The following THSD7A variants were observed in gnomAD, a reference collection of about 807,000 sequenced individuals.
The protein encoded by THSD7A is thrombospondin type 1 domain containing 7A, also known as thrombospondin type-1 domain-containing protein 7A.
In THSD7A, 96 loss-of-function variants were observed where a neutral mutation model predicts 231.3. That is an observed-to-expected ratio of 0.41 (90% CI 0.35 to 0.49). The LOEUF (loss-of-function observed/expected upper bound fraction) is 0.49. THSD7A is among the 20% of genes least tolerant of loss of function. The pLI is 0.05. For synonymous variants in THSD7A, 940 were observed against 743.3 expected, an observed-to-expected ratio of 1.26 and a Z score of -4.30; for missense variants, 2,290 against 2,070.2, an observed-to-expected ratio of 1.11 and a Z score of -2.06.
intron 1 of THSD7A, among the ~76,000 whole-genome samples, chr7:11,773,027 T>A (rs553376405): frequency 2.0e-5 from 3 of 152,070 alleles, no homozygotes; most frequent in Admixed American, 6.6e-5. Flanking sequence ...TCAACAATAA[T>A]ATTAATGAAA....
At chr7:11,399,872 T>A (rs1783332677) in intron 23 of THSD7A, among the ~76,000 whole-genome samples, 1 of 152,154 alleles carries the variant, frequency 6.6e-6, no homozygotes, top group African/African-American at 2.4e-5. Context: ...ATACGTTTAT[T>A]GCGGCACTAT....
At chr7:11,736,453 C>CTGTG (rs61483307) in intron 1 of THSD7A, among the ~76,000 whole-genome samples, 4,413 of 143,550 alleles carry the variant, frequency 0.031, 193 homozygotes, top group African/African-American at 0.1. Context: ...ACAGCAGACT[C>CTGTG]TGTGTGTGTG....
chr7:11,398,351 A>C (rs2115349205), intron 23 of THSD7A, among the ~76,000 whole-genome samples: 2 of 152,236 alleles, frequency 1.3e-5, no homozygotes, highest in Middle Eastern at 6.8e-3. Context: ...ATACATGGAC[A>C]CAGGGAGGGG....
At chr7:11,423,421 T>G (rs1035173184) in intron 16 of THSD7A, among the ~76,000 whole-genome samples, 2 of 146,246 alleles carry the variant, frequency 1.4e-5, no homozygotes, top group Non-Finnish European at 3.0e-5. Context: ...CAGGCTGGAG[T>G]GCAGTGGCGC....
Position 11,593,434 on chromosome 7 carries a change from G to A in THSD7A, c.1091C>T (p.Ser364Phe). 1 of 1,614,018 alleles carries A rather than the reference G, an allele frequency of 6.2e-7. No homozygotes were observed. Among genetic ancestry groups the A allele is most frequent in the Non-Finnish European group, 8.5e-7 (1 of 1,179,900 alleles). Residue 364 changes from serine (S) to phenylalanine (F), a missense_variant, in exon 3 of 28, where the codon TCC becomes TTC. Ser to Phe is a radical substitution (Grantham distance 155). Coordinates refer to ENST00000423059, the MANE Select transcript of THSD7A (RefSeq NM_015204.3). ...SCVITKECQVSEWSEWSPCSK... is the reference protein window; with the variant it reads ...SCVITKECQVFEWSEWSPCSK... ...GCAGGGGCTCCACTCTGACCACTCG[G>A]AAACCTGGCACTCTTTGGTGATCAC...
chr7:11,705,427 G>A (rs182364731), intron 1 of THSD7A, among the ~76,000 whole-genome samples: 78 of 151,098 alleles, frequency 5.2e-4, no homozygotes, highest in Non-Finnish European at 4.3e-4. Context: ...ACTTCTGGAA[G>A]TTGACTCAGT....
intron 1 of THSD7A, among the ~76,000 whole-genome samples, chr7:11,654,069 G>T (rs1427359653): frequency 6.6e-6 from 1 of 151,868 alleles, no homozygotes; most frequent in African/African-American, 2.4e-5. Context: ...AAAGTTGAGA[G>T]ATATTTTTTT....
chr7:11,379,879 A>AGT (rs1348171130), intron 24 of THSD7A, 167 bp from the exon 25 acceptor site: 4 of 686,664 alleles, frequency 5.8e-6, no homozygotes, highest in African/African-American at 1.8e-5. Context: ...CACCTTATGT[A>AGT]GTGACTCCAG....
intron 1 of THSD7A, among the ~76,000 whole-genome samples, chr7:11,713,567 G>A (rs777580751): frequency 5.3e-5 from 8 of 151,206 alleles, no homozygotes; most frequent in Non-Finnish European, 1.2e-4. Flanking sequence ...CAGAGTAAAA[G>A]TCCGAACTTT....
At chr7:11,544,997 C>T (rs1304252911) in intron 4 of THSD7A, among the ~76,000 whole-genome samples, 1 of 152,062 alleles carries the variant, frequency 6.6e-6, no homozygotes, top group Non-Finnish European at 1.5e-5. Flanking sequence ...AAGTGTTCAG[C>T]ACACTAATGA....
intron 1 of THSD7A, among the ~76,000 whole-genome samples, chr7:11,762,733 T>C (rs1782904969): frequency 6.6e-6 from 1 of 152,184 alleles, no homozygotes; most frequent in Non-Finnish European, 1.5e-5. Flanking sequence ...AGAAACTCTT[T>C]AATTTATTTA....
chr7:11,719,598 T>C (rs1009752007), intron 1 of THSD7A, among the ~76,000 whole-genome samples: 8 of 151,696 alleles, frequency 5.3e-5, no homozygotes, highest in African/African-American at 1.5e-4. Context: ...TGCTTCTGCA[T>C]CATGCCCAGT....
intron 6 of THSD7A, among the ~76,000 whole-genome samples, chr7:11,528,587 A>C (rs957170540): frequency 6.6e-6 from 1 of 152,212 alleles, no homozygotes; most frequent in African/African-American, 2.4e-5. Flanking sequence ...ATTTTATATC[A>C]ATTCAGCAAT....
rs750399860 is a variant in THSD7A, at chr7:11,407,462, T to C, written c.3799-39A>G. On this transcript the variant is annotated intron_variant, in intron 19 of 27. Transcript: ENST00000423059. ...GGTAGATCAGGATGTATATTGTAAA[T>C]TGGGGGAGGGAGCCAGAGAATGAGG... The C allele has an allele frequency of 6.7e-6, 10 of 1,491,178 alleles. 1 individual carries two copies. In the East Asian group the frequency reaches 9.2e-5, roughly 14 times the overall value. The allele number at this position is 1,491,178 out of a possible 1,614,324, so 92.4% of individuals were successfully genotyped here.
intron 1 of THSD7A, among the ~76,000 whole-genome samples, chr7:11,786,764 A>AG (rs1302445422): frequency 2.4e-5 from 3 of 127,080 alleles, no homozygotes; most frequent in Admixed American, 1.5e-4. Context: ...AATAATAAAA[A>AG]AAAAAAAAAA....
chr7:11,496,048 A>G (rs1231945759), intron 6 of THSD7A, among the ~76,000 whole-genome samples: 2 of 152,190 alleles, frequency 1.3e-5, no homozygotes, highest in Non-Finnish European at 2.9e-5. Context: ...GTATGCAGAA[A>G]TGCTATGCTT....
At chr7:11,729,786 A>C (rs1434375055) in intron 1 of THSD7A, among the ~76,000 whole-genome samples, 1 of 151,794 alleles carries the variant, frequency 6.6e-6, no homozygotes, top group African/African-American at 2.4e-5. Context: ...CTGTTTTTCC[A>C]AGGCAATATT....
At chr7:11,705,395 G>A (rs1780731355) in intron 1 of THSD7A, among the ~76,000 whole-genome samples, 1 of 150,946 alleles carries the variant, frequency 6.6e-6, no homozygotes, top group Admixed American at 6.6e-5. Flanking sequence ...ATTTAAATAA[G>A]CAAGGCCTAG....
At chr7:11,791,589 T>A (rs1214829776) in intron 1 of THSD7A, among the ~76,000 whole-genome samples, 1 of 151,976 alleles carries the variant, frequency 6.6e-6, no homozygotes, top group African/African-American at 2.4e-5. Flanking sequence ...TAGAGGAAAT[T>A]CCTTAATAAA....
Sources: gnomAD v4.1 joint callset for allele counts (sites outside exome capture counted in the v4.1 genomes callset) on GRCh38, gnomAD v4.1.1 for gene constraint, MANE v1.5 for transcripts, NCBI Gene and HGNC (gene_info 2026-07-23, HGNC 2026-07-21) for gene names.